Variants in MAP4K5 observed in about 807,000 individuals in gnomAD.
The protein encoded by MAP4K5 is MAPK/ERK kinase kinase kinase 5.
A neutral mutation model predicts 135.6 loss-of-function variants in MAP4K5; 82 were observed. That is an observed-to-expected ratio of 0.60 (90% CI 0.51 to 0.73). The LOEUF is 0.73. MAP4K5 is among the 30% of genes least tolerant of loss of function. The probability of loss-of-function intolerance (pLI) is 0.00; values close to 1 mark genes in which losing one functional copy is unlikely to be tolerated. For synonymous variants in MAP4K5, 347 were observed against 335.0 expected (o/e 1.04, Z -0.39); for missense variants, 907 against 1,010.9 (o/e 0.90, Z 1.39).
chr14:50,507,982 G>T (rs10131236), intron 2 of MAP4K5, among the ~76,000 whole-genome samples: 151,354 of 152,282 alleles, frequency 0.99, 75,226 homozygotes, highest in Middle Eastern at 1. Flanking sequence ...TGCGGGAGTT[G>T]AAGTCTCTTT....
intron 2 of MAP4K5, among the ~76,000 whole-genome samples, chr14:50,507,617 T>A (rs140555514): frequency 3.3e-5 from 5 of 152,226 alleles, no homozygotes; most frequent in Non-Finnish European, 5.9e-5. Flanking sequence ...CCAGTAGTCA[T>A]TGAGGAGCAG....
At chr14:50,437,562 C>G in intron 25 of MAP4K5, 28 bp from the exon 26 acceptor site, 1 of 1,467,274 alleles carries the variant, frequency 6.8e-7, no homozygotes, top group Non-Finnish European at 9.4e-7. Flanking sequence ...TATAAATGCA[C>G]TCTACAGTAG....
At position 50,464,133 on chromosome 14, in the gene MAP4K5, C is replaced by T; in HGVS notation, c.738G>A (p.Trp246Ter). The change falls in exon 12 of 33, where the codon TGG becomes TGA. Residue 246 changes from tryptophan to a stop codon, truncating the protein, a stop_gained and splice_region_variant. Transcript: ENST00000682126. LOFTEE classifies it high-confidence loss of function. ...TGACAAAATTATGGAATGTTGATGA[C>T]CTTAAAATAAAAAGAGACGTACAAA... ...QPPKLKDKTKWSSTFHNFVKI... is the reference protein window; with the variant it reads ...QPPKLKDKTK The T allele has an allele frequency of 6.8e-7, 1 of 1,471,756 alleles. No individual in the cohort carries two copies. Among genetic ancestry groups the T allele is most frequent in the South Asian group, 1.2e-5 (1 of 80,712 alleles). The allele number at this position is 1,471,756 out of a possible 1,614,324, so 91.2% of individuals were successfully genotyped here.
chr14:50,518,118 C>G (rs1397814783), intron 2 of MAP4K5, among the ~76,000 whole-genome samples: 1 of 151,892 alleles, frequency 6.6e-6, no homozygotes, highest in Non-Finnish European at 1.5e-5. Context: ...ATTAAAACGT[C>G]CAAAAAAAAG....
chr14:50,472,834 C>T (rs932635592), intron 9 of MAP4K5, among the ~76,000 whole-genome samples: 1 of 152,062 alleles, frequency 6.6e-6, no homozygotes. Context: ...CTGAGAATGC[C>T]TATTGAAAAG....
chr14:50,533,481 T>A (rs1043282030), upstream of MAP4K5: 1 of 152,198 alleles, frequency 6.6e-6, no homozygotes, highest in Non-Finnish European at 1.5e-5. Context: ...ACAGCATATA[T>A]GGAACAGGAG....
rs748317966 is a variant in MAP4K5 at position 50,440,372 on chromosome 14, G to A, written c.1634C>T (p.Thr545Met). The A allele has an allele frequency of 3.1e-5, 50 of 1,591,198 alleles. No homozygotes were observed. Among genetic ancestry groups the A allele is most frequent in the Admixed American group, 1.4e-4 (8 of 58,748 alleles). ...AAAATGCCTAATTACCTGTTCCATCGTTGCCTCATGTAGCTCATTGAGATT... is the reference window on the plus strand; with the variant it reads ...AAAATGCCTAATTACCTGTTCCATCATTGCCTCATGTAGCTCATTGAGATT... ...TLNLNELHEA[T>M]MEQLFPRKCT... The change falls in exon 22 of 33, where the codon ACG becomes ATG. Residue 545 changes from threonine to methionine, a missense_variant. Thr to Met is a moderately conservative substitution (Grantham distance 81). This residue lies in a region of MAP4K5 where 690 missense variants were observed against 777.4 expected (regional missense o/e 0.89). Transcript: ENST00000682126.
intron 2 of MAP4K5, among the ~76,000 whole-genome samples, chr14:50,521,343 T>C (rs1415125445): frequency 6.6e-5 from 10 of 152,212 alleles, no homozygotes. Flanking sequence ...GCCTACAGCA[T>C]GGCAGACAAT....
intron 30 of MAP4K5, among the ~76,000 whole-genome samples, chr14:50,426,242 G>A (rs1181881149): frequency 6.6e-6 from 1 of 151,884 alleles, no homozygotes; most frequent in East Asian, 1.9e-4. Context: ...GGTGGATGTT[G>A]GCATATTCAT....
intron 1 of MAP4K5, among the ~76,000 whole-genome samples, chr14:50,544,068 G>A (rs983304173): frequency 5.3e-5 from 8 of 152,334 alleles, no homozygotes; most frequent in Admixed American, 3.3e-4. Flanking sequence ...AAGGAAACAA[G>A]GAAGACTATG....
intron 13 of MAP4K5, among the ~76,000 whole-genome samples, chr14:50,459,965 T>A (rs941476629): frequency 1.3e-5 from 2 of 152,098 alleles, no homozygotes; most frequent in African/African-American, 4.8e-5. Flanking sequence ...CCTCCCACAG[T>A]GCTGAGATTA....
chr14:50,548,352 G>A (rs2038660651), intron 1 of MAP4K5, among the ~76,000 whole-genome samples: 1 of 152,176 alleles, frequency 6.6e-6, no homozygotes, highest in African/African-American at 2.4e-5. Flanking sequence ...AGAGCCATTT[G>A]AGAAAGCAAA....
At chr14:50,444,956 A>G in intron 18 of MAP4K5, 85 bp downstream of exon 18, 1 of 1,387,236 alleles carries the variant, frequency 7.2e-7, no homozygotes, top group Non-Finnish European at 9.8e-7. Context: ...AATGACTCTC[A>G]TTTCAGTTTT....
chr14:50,456,476 C>T, intron 14 of MAP4K5, 40 bp downstream of exon 14: 1 of 1,438,700 alleles, frequency 7.0e-7, no homozygotes. Context: ...CAGCACAACC[C>T]TCCAAAACCA....
chr14:50,426,471 C>T (rs963006071), intron 30 of MAP4K5, among the ~76,000 whole-genome samples: 1 of 152,084 alleles, frequency 6.6e-6, no homozygotes, highest in Admixed American at 6.5e-5. Flanking sequence ...ATCCCTGTAA[C>T]CTCAGCACTT....
At chr14:50,506,956 A>G (rs2037822988) in intron 2 of MAP4K5, among the ~76,000 whole-genome samples, 1 of 152,126 alleles carries the variant, frequency 6.6e-6, no homozygotes, top group Non-Finnish European at 1.5e-5. Context: ...TTGGGTCATA[A>G]AAGGCTATGT....
chr14:50,474,951 G>A, intron 9 of MAP4K5, 126 bp downstream of exon 9: 1 of 778,120 alleles, frequency 1.3e-6, no homozygotes, highest in Non-Finnish European at 2.2e-6. Flanking sequence ...CAGAACTTAT[G>A]ATACTGTCAA....
intron 8 of MAP4K5, among the ~76,000 whole-genome samples, chr14:50,475,595 T>C (rs192750705): frequency 3.3e-5 from 5 of 152,296 alleles, no homozygotes; most frequent in Admixed American, 3.3e-4. Context: ...TAATCCCTGC[T>C]ACTTGGGAGG....
At chr14:50,442,693 T>G in intron 21 of MAP4K5, 39 bp downstream of exon 21, 1 of 1,247,978 alleles carries the variant, frequency 8.0e-7, no homozygotes, top group Non-Finnish European at 1.1e-6. Context: ...CCATAATAAA[T>G]ATTTTATTGG....
Sources: gnomAD v4.1 joint callset for allele counts (sites outside exome capture counted in the v4.1 genomes callset) on GRCh38, gnomAD v4.1.1 for gene constraint, gnomAD v4.1.1 regional missense constraint, MANE v1.5 for transcripts, NCBI Gene and HGNC (gene_info 2026-07-23, HGNC 2026-07-21) for gene names.